The following XKR6 variants were observed in gnomAD, a reference collection of about 807,000 sequenced individuals.
The protein encoded by XKR6 is XK related 6.
XKR6 carries 22 observed loss-of-function variants against 56.7 expected under a neutral mutation model. The observed-to-expected ratio is 0.39, with a 90% CI of 0.28 to 0.55. The LOEUF (loss-of-function observed/expected upper bound fraction) is 0.55. Ranked by LOEUF, XKR6 falls within the 20% of genes least tolerant of loss-of-function variation. XKR6 has a pLI of 0.66. For missense variants in XKR6, 852 were observed against 889.0 expected (o/e 0.96, Z 0.53); for synonymous variants, 524 against 387.8 (o/e 1.35, Z -4.13).
intron 1 of XKR6, among the ~76,000 whole-genome samples, chr8:11,056,151 G>A (rs1195066639): frequency 6.6e-6 from 1 of 152,184 alleles, no homozygotes. Context: ...TCCTCTAGGA[G>A]CGCTAGATGA....
At chr8:10,909,196 T>A (rs1342261032) in intron 2 of XKR6, among the ~76,000 whole-genome samples, 1 of 146,526 alleles carries the variant, frequency 6.8e-6, no homozygotes, top group Admixed American at 6.7e-5. Context: ...TGGCCTGAGC[T>A]CTGTCTCTCT....
At chr8:10,989,152 T>C (rs79681954) in intron 1 of XKR6, among the ~76,000 whole-genome samples, 1 of 152,312 alleles carries the variant, frequency 6.6e-6, no homozygotes, top group African/African-American at 2.4e-5. Flanking sequence ...TACAAGGAGC[T>C]GGGTGATGCC....
At chr8:11,049,587 A>T (rs1296116866) in intron 1 of XKR6, among the ~76,000 whole-genome samples, 1 of 152,204 alleles carries the variant, frequency 6.6e-6, no homozygotes, top group Non-Finnish European at 1.5e-5. Context: ...AAATGGATCA[A>T]GGCCCTGGAG....
chr8:11,038,208 T>C (rs1215843894), intron 1 of XKR6, among the ~76,000 whole-genome samples: 1 of 152,328 alleles, frequency 6.6e-6, no homozygotes, highest in Admixed American at 6.5e-5. Context: ...ATGAAAAATG[T>C]TACTTGTATC....
chr8:10,983,474 G>A (rs1284891942), intron 1 of XKR6, among the ~76,000 whole-genome samples: 1 of 151,996 alleles, frequency 6.6e-6, no homozygotes, highest in Non-Finnish European at 1.5e-5. Flanking sequence ...CCTCTGGAAA[G>A]ATAGAAAAGG....
chr8:11,108,206 A>G (rs1286790413), intron 1 of XKR6: 1 of 447,254 alleles, frequency 2.2e-6, no homozygotes, highest in East Asian at 7.0e-5. Flanking sequence ...TAAACAAATT[A>G]ACCAAATTCA....
Position 10,974,759 on chromosome 8 carries a change from A to G in XKR6, c.765-49929T>C, listed in dbSNP as rs555580280. Among the ~76,000 whole-genome samples, 4 of 152,264 alleles carry G rather than the reference A, an allele frequency of 2.6e-5. No homozygotes were observed. The East Asian group carries it at 7.8e-4, about 30-fold the overall frequency. On this transcript the variant is annotated intron_variant, in intron 1 of 2. Transcript: ENST00000416569. ...GGTGCTTCCATAGAAAAAGATGCCA[A>G]TGTGGCAAGTAGTGAAGGAAGCGCA...
intron 1 of XKR6, among the ~76,000 whole-genome samples, chr8:10,971,038 G>T (rs1372784333): frequency 6.6e-6 from 1 of 151,496 alleles, no homozygotes; most frequent in South Asian, 2.1e-4. Flanking sequence ...TTCAACTTAG[G>T]AACCTGGCGT....
At chr8:11,064,320 T>C (rs111517039) in intron 1 of XKR6, among the ~76,000 whole-genome samples, 1 of 152,182 alleles carries the variant, frequency 6.6e-6, no homozygotes, top group African/African-American at 2.4e-5. Flanking sequence ...CTCAGTTAAT[T>C]AGAGCCTTGT....
At chr8:10,949,934 G>A (rs372809566) in intron 1 of XKR6, among the ~76,000 whole-genome samples, 1 of 152,190 alleles carries the variant, frequency 6.6e-6, no homozygotes, top group African/African-American at 2.4e-5. Context: ...TCTGCAGGCT[G>A]TGCTCACAGC....
Position 10,973,252 on chromosome 8 carries a change from T to C in XKR6, c.765-48422A>G, listed in dbSNP as rs1330470812. On this transcript the variant is annotated intron_variant, in intron 1 of 2. Transcript: ENST00000416569. Reference sequence around the variant, plus strand: ...CACTAATGGGTCATATATGTCCCAGTGTCTTAGTTGGACAGAGAGAAAATG... The same window carrying C: ...CACTAATGGGTCATATATGTCCCAGCGTCTTAGTTGGACAGAGAGAAAATG... Among the ~76,000 whole-genome samples, 5 of 152,360 alleles carry C rather than the reference T, an allele frequency of 3.3e-5. No homozygotes were observed. The East Asian group carries it at 7.7e-4, about 24-fold the overall frequency.
intron 1 of XKR6, among the ~76,000 whole-genome samples, chr8:11,133,478 G>A (rs913446323): frequency 6.6e-6 from 1 of 152,120 alleles, no homozygotes; most frequent in African/African-American, 2.4e-5. Context: ...CTCTCCTTAG[G>A]AATGTCCAAG....
intron 1 of XKR6, among the ~76,000 whole-genome samples, chr8:10,980,031 CTGTCCCA>C (rs1292846780): frequency 6.6e-6 from 1 of 152,274 alleles, no homozygotes; most frequent in Admixed American, 6.5e-5. Flanking sequence ...GCAGACATCT[CTGTCCCA>C]AGGAAAACCC....
intron 1 of XKR6, among the ~76,000 whole-genome samples, chr8:10,989,542 G>T (rs908559853): frequency 1.3e-5 from 2 of 152,228 alleles, no homozygotes; most frequent in African/African-American, 4.8e-5. Flanking sequence ...TCACCATATA[G>T]CAGAGTGGTT....
intron 1 of XKR6, among the ~76,000 whole-genome samples, chr8:10,977,543 A>G (rs1188745868): frequency 1.3e-5 from 2 of 150,616 alleles, no homozygotes; most frequent in African/African-American, 4.9e-5. Context: ...AGAACTATCC[A>G]AGCCCCAGCC....
At chr8:10,989,797 C>T (rs1797947092) in intron 1 of XKR6, among the ~76,000 whole-genome samples, 1 of 152,220 alleles carries the variant, frequency 6.6e-6, no homozygotes, top group South Asian at 2.1e-4. Flanking sequence ...GTCTGGGTCA[C>T]AGACTATTAG....
At chr8:11,170,087 T>C (rs2117042809) in intron 1 of XKR6, among the ~76,000 whole-genome samples, 1 of 150,944 alleles carries the variant, frequency 6.6e-6, no homozygotes. Flanking sequence ...AGATAATGTC[T>C]TGTACTGAAA....
At chr8:11,140,867 C>T (rs1800659027) in intron 1 of XKR6, among the ~76,000 whole-genome samples, 1 of 138,794 alleles carries the variant, frequency 7.2e-6, no homozygotes. Context: ...TACTGGACTC[C>T]AGCCTGGGCG....
rs183213066 is a variant in XKR6, at chr8:10,899,809, G to A, written c.962-893C>T. On this transcript the variant is annotated intron_variant, in intron 2 of 2. Transcript: ENST00000416569. Reference sequence around the variant, plus strand: ...GGGCAAATATTCACAGAGTTTGAGTGTGCCTAATCCCAAGTCATACTCATA... The same window carrying A: ...GGGCAAATATTCACAGAGTTTGAGTATGCCTAATCCCAAGTCATACTCATA... 3.9e-5 allele frequency among the ~76,000 whole-genome samples: 6 copies of A among 152,290 alleles called. No individual in the cohort carries two copies. In the East Asian group the frequency reaches 1.2e-3, roughly 29 times the overall value.
Sources: allele counts gnomAD v4.1 joint callset (sites outside exome capture counted in the v4.1 genomes callset), GRCh38; gene constraint gnomAD v4.1.1; transcripts MANE v1.5; gene names NCBI Gene and HGNC (gene_info 2026-07-23, HGNC 2026-07-21).